LIG1: variants seen among roughly 807,000 people sequenced by gnomAD.
LIG1 encodes the protein ligase I, DNA, ATP-dependent.
In LIG1, 70 loss-of-function variants were observed where a neutral mutation model predicts 115.7. That is an observed-to-expected ratio of 0.60 (90% CI 0.50 to 0.74). The LOEUF (loss-of-function observed/expected upper bound fraction) is 0.74. LIG1 is among the 30% of genes least tolerant of loss of function. The pLI is 0.00. For missense variants in LIG1, 1,115 were observed against 1,225.6 expected, an observed-to-expected ratio of 0.91 and a Z score of 1.35; for synonymous variants, 487 against 495.3, an observed-to-expected ratio of 0.98 and a Z score of 0.22.
intron 1 of LIG1, among the ~76,000 whole-genome samples, chr19:48,168,608 G>A (rs2036598671): frequency 6.6e-6 from 1 of 152,122 alleles, no homozygotes; most frequent in African/African-American, 2.4e-5. Flanking sequence ...AGCACTAACT[G>A]TAATGAGAGA....
chr19:48,154,300 C>CCTG, intron 5 of LIG1: 1 of 360,612 alleles, frequency 2.8e-6, no homozygotes, highest in Non-Finnish European at 5.4e-6. Context: ...CCCCTCAGAT[C>CCTG]TTAACTGCCT....
chr19:48,152,687 GAGGTATTTC>G (rs1461143770), intron 6 of LIG1, among the ~76,000 whole-genome samples: 1 of 152,110 alleles, frequency 6.6e-6, no homozygotes, highest in African/African-American at 2.4e-5. Context: ...CTACTAGTTC[GAGGTATTTC>G]AGTTTTCAGT....
intron 1 of LIG1, among the ~76,000 whole-genome samples, chr19:48,165,927 G>A (rs962061180): frequency 1.3e-5 from 2 of 152,254 alleles, no homozygotes; most frequent in Admixed American, 6.5e-5. Flanking sequence ...AAGTTTAAAG[G>A]TTAGTGAAAA....
intron 21 of LIG1, among the ~76,000 whole-genome samples, chr19:48,126,615 A>G (rs893163881): frequency 1.3e-5 from 2 of 152,048 alleles, no homozygotes; most frequent in Non-Finnish European, 2.9e-5. Context: ...TCAAAAAAAA[A>G]AAAAAAAATT....
rs756391107 is a variant in LIG1, at chr19:48,115,976, G to A, written c.2584-11C>T. The A allele has an allele frequency of 1.2e-5, 20 of 1,608,928 alleles. No individual in the cohort carries two copies. Among genetic ancestry groups the A allele is most frequent in the African/African-American group, 2.7e-5 (2 of 74,744 alleles). On this transcript the variant is annotated splice_polypyrimidine_tract_variant and intron_variant, in intron 26 of 27. Coordinates refer to ENST00000263274, the MANE Select transcript of LIG1 (RefSeq NM_000234.3). ...CTTGTCACTATCCACCTGCGGAAGC[G>A]GGATGGAGACTCCTGCGGTCCAGCC... is the stretch of plus-strand genomic sequence containing the variant.
At chr19:48,150,293 T>C in intron 7 of LIG1, 83 bp from the exon 8 acceptor site, 1 of 1,592,358 alleles carries the variant, frequency 6.3e-7, no homozygotes, top group Non-Finnish European at 8.6e-7. Flanking sequence ...CCAAGATCAT[T>C]CTGACCCTGC....
intron 5 of LIG1, among the ~76,000 whole-genome samples, chr19:48,154,854 A>C (rs1201523875): frequency 6.6e-6 from 1 of 151,796 alleles, no homozygotes; most frequent in Non-Finnish European, 1.5e-5. Flanking sequence ...ATGACTCCAC[A>C]TTCTCTGCTT....
chr19:48,153,098 G>A (rs990659921), intron 6 of LIG1, among the ~76,000 whole-genome samples: 6 of 151,500 alleles, frequency 4.0e-5, no homozygotes, highest in Non-Finnish European at 7.4e-5. Flanking sequence ...GGGAAGCTGA[G>A]GTGGGAGAAT....
Position 48,162,251 on chromosome 19 carries a change from C to G in LIG1, c.107+11G>C. On this transcript the variant is annotated intron_variant, in intron 3 of 27. Coordinates refer to ENST00000263274, the MANE Select transcript of LIG1 (RefSeq NM_000234.3). The stretch of plus-strand genomic sequence containing the variant: ...GGAAAAAATTCACCATATCCCAGCC[C>G]TGTGACATACTTTGGAGGGGGCTCC... 2 of 1,607,308 alleles carry G rather than the reference C, an allele frequency of 1.2e-6. No homozygotes were observed. The highest frequency in any genetic ancestry group is 1.7e-6 in the Non-Finnish European group (2 of 1,173,812).
intron 4 of LIG1, chr19:48,161,027 G>GTGC (rs2036143759): frequency 1.4e-5 from 5 of 360,898 alleles, no homozygotes; most frequent in Non-Finnish European, 2.7e-5. Flanking sequence ...GTAAGCCATT[G>GTGC]TGCTGGGCCT....
At chr19:48,142,040 G>A (rs2034792412) in intron 11 of LIG1, among the ~76,000 whole-genome samples, 1 of 151,888 alleles carries the variant, frequency 6.6e-6, no homozygotes, top group Non-Finnish European at 1.5e-5. Context: ...GGTGGCTCAG[G>A]CCTGTAATCC....
At chr19:48,119,240 C>A in intron 24 of LIG1, 50 bp from the exon 25 acceptor site, 1 of 1,452,144 alleles carries the variant, frequency 6.9e-7, no homozygotes, top group African/African-American at 1.4e-5. Flanking sequence ...ACAGGCCCAG[C>A]ACTTGCTCCT....
In LIG1 at chr19:48,153,773, C is replaced by CACACACAT. The variant is rs36137616; in HGVS notation, c.466+98_466+99insATGTGTGT. On this transcript the variant is annotated intron_variant, in intron 6 of 27. Coordinates refer to ENST00000263274, the MANE Select transcript of LIG1 (RefSeq NM_000234.3). ...ACACACACACACACACACACACACA[C>CACACACAT]CTCTCCTTCTGGGGGCTCACCTTCC... 5.0e-4 allele frequency: 171 copies of CACACACAT among 340,440 alleles called. 14 individuals carry two copies. The highest frequency in any genetic ancestry group is 1.5e-3 in the East Asian group (22 of 14,850). The allele number at this position is 340,440 out of a possible 1,614,324, so 21.1% of individuals were successfully genotyped here. A position where few individuals can be genotyped will look rare whatever the true frequency, so the allele number is the denominator to read the frequency against.
chr19:48,135,047 C>T (rs2034290919), intron 16 of LIG1, among the ~76,000 whole-genome samples: 1 of 152,250 alleles, frequency 6.6e-6, no homozygotes, highest in East Asian at 1.9e-4. Flanking sequence ...ATGTGTCAGT[C>T]ACCTGCTCCT....
intron 6 of LIG1, among the ~76,000 whole-genome samples, chr19:48,153,008 T>G (rs1337336007): frequency 6.6e-6 from 1 of 151,792 alleles, no homozygotes; most frequent in Non-Finnish European, 1.5e-5. Flanking sequence ...ACCAGCTTGG[T>G]CAACATAGTG....
chr19:48,161,334 T>A (rs748959599), intron 4 of LIG1, 38 bp downstream of exon 4: 1 of 1,613,944 alleles, frequency 6.2e-7, no homozygotes, highest in South Asian at 1.1e-5. Flanking sequence ...GGGAATTAGT[T>A]TCTTCTGGTA....
At chr19:48,154,024 C>T (rs1238786073) in intron 5 of LIG1, 57 bp from the exon 6 acceptor site, 11 of 1,432,282 alleles carry the variant, frequency 7.7e-6, no homozygotes, top group African/African-American at 4.2e-5. Context: ...GCTCCCATCC[C>T]GGAGAGCTCA....
intron 2 of LIG1, among the ~76,000 whole-genome samples, chr19:48,162,696 G>A (rs1402403620): frequency 1.3e-5 from 2 of 152,050 alleles, no homozygotes; most frequent in Admixed American, 1.3e-4. Flanking sequence ...CCAATGTGCT[G>A]GGATTACAGG....
rs374380530 is a variant in LIG1, at chr19:48,128,006, C to A, written c.1836G>T (p.Ser612=). Residue 612 remains serine (S), a synonymous_variant, in exon 20 of 28, where the codon TCG becomes TCT. Coordinates refer to ENST00000263274, the MANE Select transcript of LIG1 (RefSeq NM_000234.3). ...ISRIPKIKLP[S]VTSFILDTEA... is the part of the protein sequence containing the mutation. ...CGGTGTCCAGGATGAAGGATGTGAC[C>A]GATGGGAGTTTAATCTGAAAAGTGA... 6.2e-7 allele frequency: 1 copy of A among 1,613,960 alleles called. No homozygotes were observed. The highest frequency in any genetic ancestry group is 8.5e-7 in the Non-Finnish European group (1 of 1,179,922).
Sources: allele counts gnomAD v4.1 joint callset (sites outside exome capture counted in the v4.1 genomes callset), GRCh38; gene constraint gnomAD v4.1.1; transcripts MANE v1.5; gene names NCBI Gene and HGNC (gene_info 2026-07-23, HGNC 2026-07-21).